The following CTIF variants were observed in gnomAD, a reference collection of about 807,000 sequenced individuals.
CTIF encodes CBP80/20-dependent translation initiation factor.
A neutral mutation model predicts 66.0 loss-of-function variants in CTIF; 21 were observed. That is an observed-to-expected ratio of 0.32 (90% confidence interval 0.23 to 0.46). CTIF has a LOEUF of 0.46. Ranked by LOEUF, CTIF falls within the 20% of genes least tolerant of loss-of-function variation. The pLI is 1.00. For missense variants in CTIF, 739 were observed against 812.7 expected, an observed-to-expected ratio of 0.91 and a Z score of 1.10; for synonymous variants, 345 against 326.4, an observed-to-expected ratio of 1.06 and a Z score of -0.62.
At chr18:48,646,924 AACGAAAC>A (rs2091046569) in intron 3 of CTIF, among the ~76,000 whole-genome samples, 1 of 149,968 alleles carries the variant, frequency 6.7e-6, no homozygotes, top group African/African-American at 2.5e-5. Context: ...AAAAAAAAAA[AACGAAAC>A]CTGCAAGTAC....
intron 6 of CTIF, among the ~76,000 whole-genome samples, chr18:48,691,556 G>T (rs1159446691): frequency 6.6e-6 from 1 of 152,232 alleles, no homozygotes; most frequent in Non-Finnish European, 1.5e-5. Flanking sequence ...GATAGAATCA[G>T]TCCTCTCCTA....
intron 1 of CTIF, among the ~76,000 whole-genome samples, chr18:48,544,032 G>A (rs1292456726): frequency 1.3e-5 from 2 of 152,158 alleles, no homozygotes; most frequent in African/African-American, 4.8e-5. Flanking sequence ...CCTGAGGCAG[G>A]GTCCTCAGGA....
chr18:48,776,264 C>T (rs558349329), intron 9 of CTIF, among the ~76,000 whole-genome samples: 19 of 152,382 alleles, frequency 1.2e-4, no homozygotes, highest in African/African-American at 4.6e-4. Context: ...TGTGCCCCAA[C>T]CAGCCCCTCT....
chr18:48,616,844 G>A (rs570066285), intron 1 of CTIF, among the ~76,000 whole-genome samples: 1 of 152,364 alleles, frequency 6.6e-6, no homozygotes. Flanking sequence ...GATTTGGCAG[G>A]TGGAGGGAAG....
chr18:48,851,994 G>C (rs1223864923), intron 10 of CTIF, among the ~76,000 whole-genome samples: 1 of 152,052 alleles, frequency 6.6e-6, no homozygotes, highest in Non-Finnish European at 1.5e-5. Context: ...CACTTTGGAA[G>C]GCCAAGGTGG....
At position 48,626,656 on chromosome 18, in the gene CTIF, G is replaced by GTTTT. The variant is rs61179877; in HGVS notation, c.180+6924_180+6927dup. Among the ~76,000 whole-genome samples, 905 of 108,036 alleles carry GTTTT rather than the reference G, an allele frequency of 8.4e-3. 20 individuals are homozygous for GTTTT. Among genetic ancestry groups the GTTTT allele is most frequent in the African/African-American group, 0.023 (617 of 27,420 alleles). The allele number at this position is 108,036 out of a possible 152,430, so 70.9% of individuals were successfully genotyped here. A position where few individuals can be genotyped will look rare whatever the true frequency, so the allele number is the denominator to read the frequency against. ...CACCGCACCTGGCCGTTTTTTTTTT[G>GTTTT]TTTTTTTTTTTTTTTTGAGACAAAG... On this transcript the variant is annotated intron_variant, in intron 2 of 11. Transcript: ENST00000256413.
chr18:48,693,932 C>G (rs774532317), intron 6 of CTIF, among the ~76,000 whole-genome samples: 1 of 152,232 alleles, frequency 6.6e-6, no homozygotes, highest in Non-Finnish European at 1.5e-5. Flanking sequence ...AGAGGGTTGA[C>G]CCTGCATAGA....
chr18:48,817,148 T>C (rs1037423455), intron 9 of CTIF, 73 bp from the exon 10 acceptor site: 8 of 1,469,320 alleles, frequency 5.4e-6, no homozygotes, highest in Non-Finnish European at 7.4e-6. Context: ...CAACAGATGC[T>C]CTGCACAGCA....
intron 6 of CTIF, among the ~76,000 whole-genome samples, chr18:48,679,851 C>A (rs993251678): frequency 6.6e-6 from 1 of 152,030 alleles, no homozygotes; most frequent in African/African-American, 2.4e-5. Context: ...TGGAACTGGG[C>A]CTTGGGGGGT....
chr18:48,799,139 G>C lies in CTIF; in HGVS notation c.1372-18082G>C, dbSNP rs935114836. Among the ~76,000 whole-genome samples, 84 of 152,212 alleles carry C rather than the reference G, an allele frequency of 5.5e-4. 1 individual carries two copies. Among genetic ancestry groups the C allele is most frequent in the Admixed American group, 5.5e-3 (84 of 15,282 alleles). On this transcript the variant is annotated intron_variant, in intron 9 of 11. Coordinates refer to ENST00000256413, the MANE Select transcript of CTIF (RefSeq NM_014772.3). ...GTCTTACTGAGCTCTGCAAGGCCAG[G>C]ATCAAGCCAGATTTTAAGGGGATGA... is the stretch of plus-strand genomic sequence containing the variant.
chr18:48,840,619 T>A (rs1385006557), intron 10 of CTIF, among the ~76,000 whole-genome samples: 7 of 152,206 alleles, frequency 4.6e-5, no homozygotes, highest in African/African-American at 1.7e-4. Context: ...CAGGCCCTTT[T>A]CTCAGCCCAG....
chr18:48,664,427 C>A lies in CTIF; in HGVS notation c.327-20C>A. ...CTGTTGCCCTCTTGCCTCCGTTTCT[C>A]ACCCTCCCTCGCCCTCTAGTGGTGC... On this transcript the variant is annotated intron_variant, in intron 4 of 11. Coordinates refer to ENST00000256413, the MANE Select transcript of CTIF (RefSeq NM_014772.3). The A allele has an allele frequency of 1.2e-6, 2 of 1,605,102 alleles. No homozygotes were observed. Among genetic ancestry groups the A allele is most frequent in the South Asian group, 2.2e-5 (2 of 90,910 alleles).
At chr18:48,772,294 C>A (rs962653876) in intron 9 of CTIF, among the ~76,000 whole-genome samples, 3 of 152,126 alleles carry the variant, frequency 2.0e-5, no homozygotes, top group Admixed American at 1.3e-4. Context: ...CTTTTCTTTT[C>A]TTTTTGGCAA....
intron 3 of CTIF, among the ~76,000 whole-genome samples, chr18:48,655,531 G>C (rs573934748): frequency 6.6e-6 from 1 of 152,274 alleles, no homozygotes; most frequent in East Asian, 1.9e-4. Context: ...AGGACATCCT[G>C]CACTGAGAAG....
chr18:48,807,580 G>GTT (rs36110913), intron 9 of CTIF, among the ~76,000 whole-genome samples: 11,841 of 102,270 alleles, frequency 0.12, 701 homozygotes, highest in African/African-American at 0.15. Flanking sequence ...TTGTTGTTGT[G>GTT]TTTTTTTTTT....
chr18:48,684,213 A>G (rs1459725190), intron 6 of CTIF, among the ~76,000 whole-genome samples: 1 of 152,184 alleles, frequency 6.6e-6, no homozygotes, highest in Non-Finnish European at 1.5e-5. Context: ...TCATGCCTTC[A>G]TGGGGAGGTG....
chr18:48,620,263 C>T (rs2090470114), intron 2 of CTIF, among the ~76,000 whole-genome samples: 1 of 152,198 alleles, frequency 6.6e-6, no homozygotes, highest in Admixed American at 6.5e-5. Context: ...ACATATGAGG[C>T]AATCCAACCA....
At chr18:48,821,375 C>T (rs914383956) in intron 10 of CTIF, among the ~76,000 whole-genome samples, 4 of 152,260 alleles carry the variant, frequency 2.6e-5, no homozygotes, top group African/African-American at 9.6e-5. Context: ...TTATCATCCC[C>T]ATTTTTCAGA....
chr18:48,724,727 G>A (rs984147019), intron 7 of CTIF, among the ~76,000 whole-genome samples: 18 of 152,354 alleles, frequency 1.2e-4, no homozygotes, highest in African/African-American at 4.1e-4. Context: ...GAGGGACTTA[G>A]GGAAGGGCAG....
Sources: gnomAD v4.1 joint callset for allele counts (sites outside exome capture counted in the v4.1 genomes callset) on GRCh38, gnomAD v4.1.1 for gene constraint, MANE v1.5 for transcripts, NCBI Gene and HGNC (gene_info 2026-07-23, HGNC 2026-07-21) for gene names.